The following CLNK variants were observed in gnomAD, a reference collection of about 807,000 sequenced individuals.
The protein encoded by CLNK is cytokine-dependent hematopoietic cell linker.
A neutral mutation model predicts 68.6 loss-of-function variants in CLNK; 74 were observed. The ratio of observed to expected loss-of-function variants is 1.08; its 90% CI spans 0.89 to 1.31. The LOEUF is 1.31. Among genes scored for constraint, CLNK ranks in the 50% most tolerant of loss-of-function variants. The pLI is 0.00. For missense variants in CLNK, 553 were observed against 515.3 expected, an observed-to-expected ratio of 1.07 and a Z score of -0.71; for synonymous variants, 198 against 172.2, an observed-to-expected ratio of 1.15 and a Z score of -1.17.
chr4:10,572,859 T>C (rs1720402816), intron 4 of CLNK, among the ~76,000 whole-genome samples: 1 of 152,152 alleles, frequency 6.6e-6, no homozygotes, highest in Non-Finnish European at 1.5e-5. Flanking sequence ...GACACAGTCT[T>C]GTTCTGTCAC....
chr4:10,641,953 C>T (rs1723324094), intron 2 of CLNK, among the ~76,000 whole-genome samples: 2 of 152,158 alleles, frequency 1.3e-5, no homozygotes, highest in South Asian at 4.1e-4. Context: ...TAACGTGTGC[C>T]TTTCTCCTTT....
the CLNK span, among the ~76,000 whole-genome samples, chr4:10,704,588 T>C: frequency 6.6e-6 from 1 of 152,152 alleles, no homozygotes; most frequent in Non-Finnish European, 1.5e-5. Flanking sequence ...TGTCTGCTCC[T>C]CTAGGTTGGG....
At chr4:10,600,708 G>C (rs1333930236) in intron 2 of CLNK, among the ~76,000 whole-genome samples, 3 of 152,140 alleles carry the variant, frequency 2.0e-5, no homozygotes, top group Non-Finnish European at 4.4e-5. Flanking sequence ...TTGTGAGTCT[G>C]GGCTCATACA....
At chr4:10,501,751 AC>A (rs1266671455) in intron 17 of CLNK, among the ~76,000 whole-genome samples, 2 of 151,370 alleles carry the variant, frequency 1.3e-5, no homozygotes, top group Admixed American at 6.6e-5. Flanking sequence ...ACACAGAAAA[AC>A]CCCGTCTCTA....
intron 3 of CLNK, among the ~76,000 whole-genome samples, chr4:10,597,206 G>A (rs971108662): frequency 1.3e-5 from 2 of 152,206 alleles, no homozygotes; most frequent in Non-Finnish European, 2.9e-5. Flanking sequence ...TTCGAGGATT[G>A]ATAGAACTTG....
chr4:10,496,967 G>A (rs1027644726), intron 18 of CLNK, among the ~76,000 whole-genome samples: 1 of 152,166 alleles, frequency 6.6e-6, no homozygotes, highest in African/African-American at 2.4e-5. Context: ...CTCTGTTTTT[G>A]TTGCTTCATT....
intron 17 of CLNK, among the ~76,000 whole-genome samples, chr4:10,503,013 G>C (rs1489290412): frequency 1.3e-5 from 2 of 152,200 alleles, no homozygotes. Flanking sequence ...CTAAGATCTG[G>C]TTGTAAAAGA....
At chr4:10,667,210 C>G (rs938386848) in intron 2 of CLNK, among the ~76,000 whole-genome samples, 1 of 152,162 alleles carries the variant, frequency 6.6e-6, no homozygotes, top group African/African-American at 2.4e-5. Context: ...TATCACTCTG[C>G]TTTTCACACC....
At chr4:10,525,349 G>T (rs1160201723) in intron 14 of CLNK, among the ~76,000 whole-genome samples, 1 of 152,138 alleles carries the variant, frequency 6.6e-6, no homozygotes, top group Non-Finnish European at 1.5e-5. Context: ...ACAGGCGTGA[G>T]CCACCGCGCC....
the CLNK span, among the ~76,000 whole-genome samples, chr4:10,712,316 G>GGGT: frequency 5.3e-5 from 8 of 152,098 alleles, no homozygotes; most frequent in East Asian, 3.9e-4. Flanking sequence ...ATCAGGGGTG[G>GGGT]GGTGGTGGTG....
chr4:10,611,574 G>C (rs1316168194), intron 2 of CLNK, among the ~76,000 whole-genome samples: 1 of 151,642 alleles, frequency 6.6e-6, no homozygotes, highest in Non-Finnish European at 1.5e-5. Flanking sequence ...GAGTGCCAGA[G>C]GGGCTTCTAG....
intron 2 of CLNK, among the ~76,000 whole-genome samples, chr4:10,659,778 C>T (rs1009613106): frequency 6.6e-6 from 1 of 152,172 alleles, no homozygotes; most frequent in Non-Finnish European, 1.5e-5. Flanking sequence ...TCTAGATCTC[C>T]AGGAATTCCT....
At chr4:10,621,801 C>T (rs2108861606) in intron 2 of CLNK, among the ~76,000 whole-genome samples, 1 of 152,308 alleles carries the variant, frequency 6.6e-6, no homozygotes, top group African/African-American at 2.4e-5. Flanking sequence ...TATTTTCCAG[C>T]TGCAGCCTAT....
Position 10,676,393 on chromosome 4 carries a change from C to CTTTTTTTTT in CLNK, c.-43+8266_-43+8274dup, listed in dbSNP as rs33954033. Among the ~76,000 whole-genome samples, 3 of 134,356 alleles carry CTTTTTTTTT rather than the reference C, an allele frequency of 2.2e-5. 1 individual carries two copies. Among genetic ancestry groups the CTTTTTTTTT allele is most frequent in the East Asian group, 2.2e-4 (1 of 4,610 alleles). The allele number at this position is 134,356 out of a possible 152,430, so 88.1% of individuals were successfully genotyped here. A position where few individuals can be genotyped will look rare whatever the true frequency, so the allele number is the denominator to read the frequency against. On this transcript the variant is annotated intron_variant, in intron 1 of 18. Coordinates refer to ENST00000226951, the MANE Select transcript of CLNK (RefSeq NM_052964.4). ...TCAAATGCATTGTTATTATAGATTTCTTTTTTTTTTTTTTTGAGGGGTAAG... is the reference window on the plus strand; with the variant it reads ...TCAAATGCATTGTTATTATAGATTTCTTTTTTTTTTTTTTTTTTTTTTTTGAGGGGTAAG...
In CLNK at chr4:10,520,701, T is replaced by G; in HGVS notation, c.772+90A>C. On this transcript the variant is annotated intron_variant, in intron 15 of 18. Coordinates refer to ENST00000226951, the MANE Select transcript of CLNK (RefSeq NM_052964.4). The stretch of plus-strand genomic sequence containing the variant: ...CATCTGTACACATCAGCTCAGTGGC[T>G]CTGGGGTTCACAACAGCTAAGTCAC... 4.4e-6 allele frequency: 4 copies of G among 909,136 alleles called. No homozygotes were observed. In the South Asian group the frequency reaches 5.6e-5, roughly 13 times the overall value. 56.3% of individuals were successfully genotyped at this position (909,136 alleles called of 1,614,324 possible).
At position 10,506,428 on chromosome 4, in the gene CLNK, CA is replaced by C. The variant is rs567255200; in HGVS notation, c.984+1530del. 7.9e-5 allele frequency among the ~76,000 whole-genome samples: 12 copies of C among 152,158 alleles called. 1 individual carries two copies. The South Asian group carries it at 2.3e-3, about 29-fold the overall frequency. Reference sequence around the variant, plus strand: ...ACCCGTCCTGAACATGGTATGCAAGCAAAAAATAAAGTTTCATTATGTTAAG... The same window carrying C: ...ACCCGTCCTGAACATGGTATGCAAGCAAAAATAAAGTTTCATTATGTTAAG... On this transcript the variant is annotated intron_variant, in intron 17 of 18. Coordinates refer to ENST00000226951, the MANE Select transcript of CLNK (RefSeq NM_052964.4).
intron 2 of CLNK, among the ~76,000 whole-genome samples, chr4:10,629,597 T>G (rs1251565843): frequency 6.6e-6 from 1 of 152,114 alleles, no homozygotes; most frequent in Non-Finnish European, 1.5e-5. Flanking sequence ...CAAGGTTGAG[T>G]GTTTCAGCAA....
intron 11 of CLNK, among the ~76,000 whole-genome samples, chr4:10,533,046 T>C (rs1253005535): frequency 6.6e-6 from 1 of 152,064 alleles, no homozygotes; most frequent in Non-Finnish European, 1.5e-5. Flanking sequence ...TCACTTGAGC[T>C]CAGGAGTTCC....
At chr4:10,544,812 G>C (rs571828810) in intron 8 of CLNK, among the ~76,000 whole-genome samples, 1 of 152,146 alleles carries the variant, frequency 6.6e-6, no homozygotes, top group Non-Finnish European at 1.5e-5. Context: ...GCCTTCTTGC[G>C]GGTGGTGACT....
Sources: gnomAD v4.1 joint callset for allele counts (sites outside exome capture counted in the v4.1 genomes callset) on GRCh38, gnomAD v4.1.1 for gene constraint, MANE v1.5 for transcripts, NCBI Gene and HGNC (gene_info 2026-07-23, HGNC 2026-07-21) for gene names.